DENND6A: variants seen among roughly 807,000 people sequenced by gnomAD.
The protein encoded by DENND6A is protein DENND6A.
Under a neutral mutation model 95.5 loss-of-function variants are expected in DENND6A, and 43 were observed. The ratio of observed to expected loss-of-function variants is 0.45; its 90% CI spans 0.35 to 0.58. DENND6A has a LOEUF of 0.58. Among genes scored for constraint, DENND6A ranks in the 20% least tolerant of loss-of-function variants. DENND6A has a pLI of 0.00. For synonymous variants in DENND6A, 257 were observed against 260.4 expected (o/e 0.99, Z 0.13); for missense variants, 574 against 736.0 (o/e 0.78, Z 2.55).
At chr3:57,681,878 T>C in intron 1 of DENND6A, among the ~76,000 whole-genome samples, 1 of 152,134 alleles carries the variant, frequency 6.6e-6, no homozygotes, top group East Asian at 1.9e-4. Flanking sequence ...GGTTTCTTTT[T>C]GGGGTGAAGA....
intron 7 of DENND6A, among the ~76,000 whole-genome samples, chr3:57,659,647 G>A (rs7627119): frequency 0.38 from 58,294 of 152,090 alleles, 12,590 homozygotes; most frequent in South Asian, 0.56. Flanking sequence ...CAAATGCAGA[G>A]AGAGAACATT....
intron 1 of DENND6A, among the ~76,000 whole-genome samples, chr3:57,673,862 C>G (rs1353073150): frequency 6.6e-6 from 1 of 152,058 alleles, no homozygotes; most frequent in Non-Finnish European, 1.5e-5. Flanking sequence ...CTTCCCCTCC[C>G]GGGTTCAAGC....
chr3:57,654,919 GCA>G, intron 9 of DENND6A: 1 of 439,990 alleles, frequency 2.3e-6, no homozygotes, highest in South Asian at 9.7e-5. Context: ...GAAACAAAAA[GCA>G]CAGTCACAAA....
intron 1 of DENND6A, among the ~76,000 whole-genome samples, chr3:57,681,008 C>T (rs2077159107): frequency 6.6e-6 from 1 of 152,104 alleles, no homozygotes; most frequent in Admixed American, 6.6e-5. Flanking sequence ...CATAGAGTTA[C>T]AGTATAGCCC....
intron 12 of DENND6A, among the ~76,000 whole-genome samples, chr3:57,638,969 G>A (rs1277165754): frequency 2.6e-5 from 4 of 152,010 alleles, no homozygotes; most frequent in Non-Finnish European, 5.9e-5. Context: ...GTGGTGGCGT[G>A]CACCTGTACT....
Position 57,628,120 on chromosome 3 carries a change from G to A in DENND6A, c.*94C>T, listed in dbSNP as rs943654999. 9 of 1,509,340 alleles carry A rather than the reference G, an allele frequency of 6.0e-6. No homozygotes were observed. Among genetic ancestry groups the A allele is most frequent in the East Asian group, 2.3e-5 (1 of 43,604 alleles). The allele number at this position is 1,509,340 out of a possible 1,614,324, so 93.5% of individuals were successfully genotyped here. ...AGCATTCATGGCAATTTTCCACTCC[G>A]CTGCCACTGAGAGATCTCCTTTGTG... On this transcript the variant is annotated 3_prime_UTR_variant, in exon 20 of 20. Transcript: ENST00000311128.
intron 12 of DENND6A, among the ~76,000 whole-genome samples, chr3:57,635,026 C>A (rs929401408): frequency 6.6e-6 from 1 of 152,068 alleles, no homozygotes; most frequent in African/African-American, 2.4e-5. Context: ...TAATATCTAT[C>A]ATTACTTAAA....
In DENND6A at chr3:57,681,915, T is replaced by C. The variant is rs548512349; in HGVS notation, c.238-9477A>G. ...AATGTCCTGCAATTAGATAGAGGTGTTAGTTGCACATCCTGTGAAAACCTC... is the reference window on the plus strand; with the variant it reads ...AATGTCCTGCAATTAGATAGAGGTGCTAGTTGCACATCCTGTGAAAACCTC... On this transcript the variant is annotated intron_variant, in intron 1 of 19. Coordinates refer to ENST00000311128, the MANE Select transcript of DENND6A (RefSeq NM_152678.3). Among the ~76,000 whole-genome samples, 3 of 152,164 alleles carry C rather than the reference T, an allele frequency of 2.0e-5. No homozygotes were observed. The South Asian group carries it at 6.2e-4, about 32-fold the overall frequency.
intron 17 of DENND6A, 26 bp from the exon 18 acceptor site, chr3:57,630,549 A>G (rs2070645429): frequency 1.3e-6 from 2 of 1,573,436 alleles, no homozygotes; most frequent in African/African-American, 1.4e-5. Context: ...TTAAAAAAGT[A>G]AAGTTTGATT....
In DENND6A at chr3:57,662,546, A is replaced by G. The variant is rs141570175; in HGVS notation, c.514-995T>C. Among the ~76,000 whole-genome samples the G allele has an allele frequency of 4.5e-4, 68 of 152,192 alleles. 1 individual carries two copies. The East Asian group carries it at 0.012, about 28-fold the overall frequency. On this transcript the variant is annotated intron_variant, in intron 5 of 19. Coordinates refer to ENST00000311128, the MANE Select transcript of DENND6A (RefSeq NM_152678.3). Reference sequence around the variant, plus strand: ...AAAAAGAATTGTACATTTGGAATAGAAACAATAATGGCTAAGATGTTGCTA... The same window carrying G: ...AAAAAGAATTGTACATTTGGAATAGGAACAATAATGGCTAAGATGTTGCTA...
At chr3:57,645,630 T>C (rs773747635) in intron 11 of DENND6A, 31 bp downstream of exon 11, 8 of 1,528,058 alleles carry the variant, frequency 5.2e-6, no homozygotes, top group East Asian at 2.3e-5. Flanking sequence ...ATAAAGGTAA[T>C]ACCTGGTCAA....
intron 1 of DENND6A, among the ~76,000 whole-genome samples, chr3:57,675,799 C>T (rs2153416707): frequency 6.6e-6 from 1 of 152,282 alleles, no homozygotes; most frequent in South Asian, 2.1e-4. Context: ...ATCAAAGTGA[C>T]AAAAATTACA....
chr3:57,650,366 TCA>T (rs1274678521), intron 9 of DENND6A, among the ~76,000 whole-genome samples: 9 of 150,802 alleles, frequency 6.0e-5, no homozygotes, highest in Non-Finnish European at 1.3e-4. Flanking sequence ...ATTGATTAAA[TCA>T]GTTAATAAAA....
chr3:57,639,746 G>C (rs2070882943), intron 12 of DENND6A, among the ~76,000 whole-genome samples: 1 of 151,994 alleles, frequency 6.6e-6, no homozygotes, highest in Non-Finnish European at 1.5e-5. Flanking sequence ...TTAGCACACA[G>C]TTCTGATTGC....
intron 7 of DENND6A, among the ~76,000 whole-genome samples, chr3:57,659,947 C>T (rs574688527): frequency 4.8e-4 from 73 of 152,280 alleles, no homozygotes; most frequent in African/African-American, 1.8e-3. Context: ...CATGGAATTG[C>T]AGAACTCCAG....
rs60063768 is a variant in DENND6A at position 57,662,185 on chromosome 3, C to CTTTTTTTTTTTTTTTTTTTTTTTTTTTTT, written c.514-635_514-634insAAAAAAAAAAAAAAAAAAAAAAAAAAAAA. On this transcript the variant is annotated intron_variant, in intron 5 of 19. Transcript: ENST00000311128. ...TTTTTGTTTCTTTCTTTTCTTTTTT[C>CTTTTTTTTTTTTTTTTTTTTTTTTTTTTT]TTTTTTTTTTTTTTTTTTTTTTTGA... is the stretch of plus-strand genomic sequence containing the variant. 5.1e-5 allele frequency among the ~76,000 whole-genome samples: 4 copies of CTTTTTTTTTTTTTTTTTTTTTTTTTTTTT among 79,136 alleles called. 1 individual carries two copies. The highest frequency in any genetic ancestry group is 6.8e-5 in the Non-Finnish European group (3 of 44,232). 51.9% of individuals were successfully genotyped at this position (79,136 alleles called of 152,430 possible).
intron 7 of DENND6A, 63 bp from the exon 8 acceptor site, chr3:57,659,243 C>T (rs944827019): frequency 6.4e-7 from 1 of 1,561,344 alleles, no homozygotes; most frequent in South Asian, 1.1e-5. Flanking sequence ...AGTGCTGTAT[C>T]CTGCTGCTAA....
chr3:57,671,693 C>A (rs1015321359), intron 3 of DENND6A, among the ~76,000 whole-genome samples: 1 of 152,162 alleles, frequency 6.6e-6, no homozygotes, highest in Admixed American at 6.5e-5. Context: ...AGGATGTCAA[C>A]GATTAGGACC....
At chr3:57,669,431 ATCAG>A (rs1268324564) in intron 3 of DENND6A, among the ~76,000 whole-genome samples, 2 of 152,068 alleles carry the variant, frequency 1.3e-5, no homozygotes, top group Non-Finnish European at 2.9e-5. Context: ...TGAGAAAAAA[ATCAG>A]TCAGGCGTGG....
Sources: gnomAD v4.1 joint callset for allele counts (sites outside exome capture counted in the v4.1 genomes callset) on GRCh38, gnomAD v4.1.1 for gene constraint, MANE v1.5 for transcripts, NCBI Gene and HGNC (gene_info 2026-07-23, HGNC 2026-07-21) for gene names.